The following SMURF2 variants were observed in gnomAD, a reference collection of about 807,000 sequenced individuals.
The protein encoded by SMURF2 is SMAD specific E3 ubiquitin protein ligase 2, also known as E3 ubiquitin-protein ligase SMURF2.
A neutral mutation model predicts 109.6 loss-of-function variants in SMURF2; 48 were observed. The observed-to-expected ratio is 0.44, with a 90% CI of 0.35 to 0.56. The LOEUF is 0.56. Ranked by LOEUF, SMURF2 falls within the 20% of genes least tolerant of loss-of-function variation. The pLI, the probability that SMURF2 is intolerant of heterozygous loss-of-function variation, is 0.01. For missense variants in SMURF2, 575 were observed against 909.0 expected (o/e 0.63, Z 4.72); for synonymous variants, 288 against 317.1 (o/e 0.91, Z 0.97).
chr17:64,601,651 A>G (rs1969898163), intron 2 of SMURF2, among the ~76,000 whole-genome samples: 1 of 152,146 alleles, frequency 6.6e-6, no homozygotes, highest in Non-Finnish European at 1.5e-5. Context: ...GATTCCTTAA[A>G]GAACTAAAAG....
chr17:64,566,561 G>GTTTTTTTTTTTTGTTTTTTT (rs1969306874), intron 10 of SMURF2, among the ~76,000 whole-genome samples: 1 of 43,782 alleles, frequency 2.3e-5, no homozygotes, highest in Non-Finnish European at 4.2e-5. Flanking sequence ...AAGCTTTCTG[G>GTTTTTTTTTTTTGTTTTTTT]TTTTTTTTTT....
intron 2 of SMURF2, among the ~76,000 whole-genome samples, chr17:64,598,987 G>A (rs1404884160): frequency 6.6e-6 from 1 of 152,106 alleles, no homozygotes; most frequent in Non-Finnish European, 1.5e-5. Flanking sequence ...AACAAAAGAT[G>A]TAACACTCTG....
intron 1 of SMURF2, among the ~76,000 whole-genome samples, chr17:64,661,610 A>C (rs1353141055): frequency 1.3e-5 from 2 of 151,982 alleles, no homozygotes; most frequent in Non-Finnish European, 2.9e-5. Context: ...TCCCCTCCAC[A>C]AAACACCACC....
chr17:64,589,392 GTTT>G lies in SMURF2; in HGVS notation c.400+1689_400+1691del, dbSNP rs782203785. On this transcript the variant is annotated intron_variant, in intron 5 of 18. Transcript: ENST00000262435. ...GTTGTATGACTGAATTTATTTTTGAGTTTTTTTTTTTTTTTGCTCCCTTCTCAA... is the reference window on the plus strand; with the variant it reads ...GTTGTATGACTGAATTTATTTTTGAGTTTTTTTTTTTTGCTCCCTTCTCAA... 6.7e-5 allele frequency among the ~76,000 whole-genome samples: 9 copies of G among 134,860 alleles called. No individual in the cohort carries two copies. In the South Asian group the frequency reaches 1.7e-3, roughly 25 times the overall value. The allele number at this position is 134,860 out of a possible 152,430, so 88.5% of individuals were successfully genotyped here.
intron 8 of SMURF2, among the ~76,000 whole-genome samples, chr17:64,578,895 GCT>G (rs1969537838): frequency 1.3e-5 from 2 of 152,190 alleles, no homozygotes; most frequent in South Asian, 4.1e-4. Flanking sequence ...TGTATAAAAG[GCT>G]CTGAGAAAGA....
chr17:64,612,818 GAACA>G (rs1970063014), intron 1 of SMURF2, among the ~76,000 whole-genome samples: 2 of 151,618 alleles, frequency 1.3e-5, no homozygotes, highest in Admixed American at 6.6e-5. Flanking sequence ...AAAATCAAAA[GAACA>G]AAGAACTTTA....
chr17:64,548,732 C>A (rs1202002345), intron 16 of SMURF2, among the ~76,000 whole-genome samples: 1 of 152,132 alleles, frequency 6.6e-6, no homozygotes, highest in East Asian at 1.9e-4. Context: ...GCACAAAATA[C>A]ATGAGCACAT....
intron 12 of SMURF2, among the ~76,000 whole-genome samples, chr17:64,560,585 TAC>T (rs1485828706): frequency 6.6e-6 from 1 of 152,176 alleles, no homozygotes; most frequent in Non-Finnish European, 1.5e-5. Flanking sequence ...AACATTTCAA[TAC>T]AGAGCTACAG....
At chr17:64,637,244 A>G (rs1438729423) in intron 1 of SMURF2, among the ~76,000 whole-genome samples, 1 of 149,710 alleles carries the variant, frequency 6.7e-6, no homozygotes, top group Non-Finnish European at 1.5e-5. Context: ...CTCTTGCCTC[A>G]GCCTCCCAAG....
At chr17:64,624,089 C>T (rs782184511) in intron 1 of SMURF2, among the ~76,000 whole-genome samples, 2 of 151,948 alleles carry the variant, frequency 1.3e-5, no homozygotes, top group African/African-American at 2.4e-5. Flanking sequence ...AGAAAGTTAC[C>T]GCATGCAAAA....
chr17:64,559,031 T>C (rs1429199593), intron 12 of SMURF2, among the ~76,000 whole-genome samples: 3 of 152,218 alleles, frequency 2.0e-5, no homozygotes, highest in Non-Finnish European at 2.9e-5. Flanking sequence ...TTTGAAAAAC[T>C]ACTCTAGAGA....
At position 64,549,484 on chromosome 17, in the gene SMURF2, A is replaced by G. The variant is rs552419884; in HGVS notation, c.1870-1683T>C. 7.6e-4 allele frequency among the ~76,000 whole-genome samples: 115 copies of G among 151,268 alleles called. No homozygotes were observed. The South Asian group carries it at 0.022, about 29-fold the overall frequency. On this transcript the variant is annotated intron_variant, in intron 16 of 18. Coordinates refer to ENST00000262435, the MANE Select transcript of SMURF2 (RefSeq NM_022739.4). ...AAGTTTAATGATTCAGGCCTGGTGC[A>G]GTGGCTCACGCCTGTAATCCTAACA...
At position 64,551,718 on chromosome 17, in the gene SMURF2, G is replaced by T. The variant is rs781940612; in HGVS notation, c.1749-14C>A. On this transcript the variant is annotated splice_polypyrimidine_tract_variant and intron_variant, in intron 15 of 18. Transcript: ENST00000262435. ...TTCACATAGAGCCTGTAAACATTCGGCAGGATTTCGTATAATCACATGTAT... is the reference window on the plus strand; with the variant it reads ...TTCACATAGAGCCTGTAAACATTCGTCAGGATTTCGTATAATCACATGTAT... The T allele has an allele frequency of 1.1e-5, 17 of 1,612,740 alleles. No homozygotes were observed. Among genetic ancestry groups the T allele is most frequent in the Non-Finnish European group, 1.4e-5 (17 of 1,179,384 alleles).
At chr17:64,638,105 CAG>C (rs542181297) in intron 1 of SMURF2, among the ~76,000 whole-genome samples, 195 of 145,716 alleles carry the variant, frequency 1.3e-3, no homozygotes, top group African/African-American at 4.7e-3. Flanking sequence ...CTCTGTTGCC[CAG>C]GCTGGAGTGC....
At chr17:64,577,293 C>T (rs1436945661) in intron 9 of SMURF2, among the ~76,000 whole-genome samples, 3 of 151,640 alleles carry the variant, frequency 2.0e-5, no homozygotes, top group African/African-American at 7.3e-5. Context: ...TCTCAGCCAA[C>T]TATCGCAAGG....
At chr17:64,604,647 G>GTT (rs1455383203) in intron 2 of SMURF2, among the ~76,000 whole-genome samples, 20 of 152,182 alleles carry the variant, frequency 1.3e-4, no homozygotes, top group African/African-American at 4.8e-4. Context: ...AGAAGCAGCT[G>GTT]TAAGAGTGCT....
At chr17:64,614,700 T>C (rs1341071352) in intron 1 of SMURF2, among the ~76,000 whole-genome samples, 1 of 152,184 alleles carries the variant, frequency 6.6e-6, no homozygotes, top group Non-Finnish European at 1.5e-5. Flanking sequence ...CATCTTGAGA[T>C]ACTTAGGGAG....
intron 1 of SMURF2, among the ~76,000 whole-genome samples, chr17:64,629,901 C>T (rs543222391): frequency 6.6e-6 from 1 of 152,234 alleles, no homozygotes; most frequent in Non-Finnish European, 1.5e-5. Context: ...GATGTTGAAT[C>T]CATAAATAAT....
chr17:64,547,506 C>G lies in SMURF2; in HGVS notation c.2071+94G>C. On this transcript the variant is annotated intron_variant, in intron 17 of 18. Transcript: ENST00000262435. This position sits in a 1 kb window ranked among gnomAD's most constrained non-coding sequence, Gnocchi z 4.2. ...AGATAAGAAGTGAAAAAGAGAATCT[C>G]TAAGCACATGGTTTACAAAATATCT... 2 of 1,032,386 alleles carry G rather than the reference C, an allele frequency of 1.9e-6. No homozygotes were observed. Among genetic ancestry groups the G allele is most frequent in the Non-Finnish European group, 3.0e-6 (2 of 674,906 alleles). The allele number at this position is 1,032,386 out of a possible 1,614,324, so 64.0% of individuals were successfully genotyped here.
Sources: allele counts gnomAD v4.1 joint callset (sites outside exome capture counted in the v4.1 genomes callset), GRCh38; gene constraint gnomAD v4.1.1; non-coding constraint Gnocchi (gnomAD v3.1); transcripts MANE v1.5; gene names NCBI Gene and HGNC (gene_info 2026-07-23, HGNC 2026-07-21).